Variants in NLRP1 observed in about 807,000 individuals in gnomAD.
NLRP1 encodes the protein NLR family pyrin domain containing 1, also known as NACHT, LRR and PYD domains-containing protein 1.
Under a neutral mutation model 136.7 loss-of-function variants are expected in NLRP1, and 94 were observed. The ratio of observed to expected loss-of-function variants is 0.69; its 90% CI spans 0.58 to 0.82. The LOEUF is 0.82. NLRP1 is among the 40% of genes least tolerant of loss of function. NLRP1 has a pLI of 0.00. For synonymous variants in NLRP1, 690 were observed against 725.1 expected (o/e 0.95, Z 0.78); for missense variants, 1,575 against 1,802.7 (o/e 0.87, Z 2.29).
At chr17:5,570,028 T>C (rs1337556392) in intron 3 of NLRP1, among the ~76,000 whole-genome samples, 3 of 152,038 alleles carry the variant, frequency 2.0e-5, no homozygotes, top group Admixed American at 6.6e-5. Context: ...GGGTAAACAA[T>C]GAAATTAAGG....
chr17:5,580,486 G>C (rs544417450), intron 3 of NLRP1, among the ~76,000 whole-genome samples: 28 of 152,146 alleles, frequency 1.8e-4, no homozygotes, highest in African/African-American at 6.7e-4. Context: ...TAGAATCAGG[G>C]AAAAATGTTA....
Position 5,553,547 on chromosome 17 carries a change from C to T in NLRP1, c.2367G>A (p.Trp789Ter). 6.2e-7 allele frequency: 1 copy of T among 1,613,708 alleles called. No individual in the cohort carries two copies. Among genetic ancestry groups the T allele is most frequent in the Non-Finnish European group, 8.5e-7 (1 of 1,179,726 alleles). The change falls in exon 5 of 17, where the codon TGG (tryptophan) becomes TGA (stop). Residue 789 changes from tryptophan to a stop codon, truncating the protein, a stop_gained. Transcript: ENST00000572272. LOFTEE classifies it high-confidence loss of function. ...GCCAATAGGCATCTGTGACTGGGAC[C>T]CACCTGAACCTGAGGGGGAGAGAGA... ...WSPTMVVLFR[W>*]VPVTDAYWQI...
rs1482809648 is a variant in NLRP1, at chr17:5,559,131, A to C, written c.1565T>G (p.Val522Gly). ...CAGGCAAGTGCAGGCCAGCCAGGAC[A>C]CCCAGGGCACAAGACACAGGGCCCA... ...ELWALCLVPW[V>G]SWLACTCLMQ... The change falls in exon 4 of 17, where the codon GTG (valine) becomes GGG (glycine). Residue 522 changes from valine to glycine, a missense_variant. Val to Gly is a moderately radical substitution (Grantham distance 109). Transcript: ENST00000572272. 1 of 1,614,140 alleles carries C rather than the reference A, an allele frequency of 6.2e-7. No homozygotes were observed. Among genetic ancestry groups the C allele is most frequent in the South Asian group, 1.1e-5 (1 of 91,080 alleles).
At chr17:5,522,423 A>G (rs1477089642) in intron 12 of NLRP1, among the ~76,000 whole-genome samples, 1 of 152,212 alleles carries the variant, frequency 6.6e-6, no homozygotes, top group African/African-American at 2.4e-5. Flanking sequence ...ACACAGCTAG[A>G]AGGCTCCATG....
intron 2 of NLRP1, 124 bp from the exon 3 acceptor site, chr17:5,582,186 G>T: frequency 1.2e-6 from 1 of 846,646 alleles, no homozygotes; most frequent in Non-Finnish European, 1.8e-6. Flanking sequence ...TGAAAACCAT[G>T]TTGAAGTAGA....
At chr17:5,519,211 C>A (rs1221714856) in intron 14 of NLRP1, among the ~76,000 whole-genome samples, 1 of 151,358 alleles carries the variant, frequency 6.6e-6, no homozygotes, top group African/African-American at 2.4e-5. Flanking sequence ...ACTGTGTTAG[C>A]CAGGATGGTC....
intron 14 of NLRP1, among the ~76,000 whole-genome samples, chr17:5,518,895 G>A (rs1908498216): frequency 6.7e-6 from 1 of 150,304 alleles, no homozygotes; most frequent in Admixed American, 6.6e-5. Flanking sequence ...TTGGAGTGCA[G>A]TGGCACGATC....
intron 14 of NLRP1, chr17:5,518,535 C>T (rs914656618): frequency 2.6e-5 from 4 of 151,936 alleles, no homozygotes; most frequent in African/African-American, 9.7e-5. Context: ...AGTATTGCAA[C>T]AGCCTTTTGT....
At chr17:5,548,755 CCAG>C (rs1305644000) in intron 5 of NLRP1, among the ~76,000 whole-genome samples, 1 of 152,152 alleles carries the variant, frequency 6.6e-6, no homozygotes, top group Non-Finnish European at 1.5e-5. Flanking sequence ...TCTTGACCTC[CCAG>C]CAGCAGTAGT....
chr17:5,513,674 G>C (rs1302056294), downstream of NLRP1, among the ~76,000 whole-genome samples: 1 of 152,174 alleles, frequency 6.6e-6, no homozygotes, highest in Non-Finnish European at 1.5e-5. Flanking sequence ...AGCAGTGACA[G>C]AAGATAGATC....
chr17:5,559,265 C>G lies in NLRP1; in HGVS notation c.1431G>C (p.Glu477Asp), dbSNP rs776674639. Residue 477 changes from glutamate (E) to aspartate (D), a missense_variant, in exon 4 of 17, where the codon GAG (glutamate) becomes GAC (aspartate). Physicochemically the swap from Glu to Asp is conservative, Grantham distance 45 (BLOSUM62 2). Coordinates refer to ENST00000572272, the MANE Select transcript of NLRP1 (RefSeq NM_033004.4). ...TGCTGGACTCAGAGAACCCCAGGACCTCTACCCAACGTGCCTGCTCCAAAG... is the reference window on the plus strand; with the variant it reads ...TGCTGGACTCAGAGAACCCCAGGACGTCTACCCAACGTGCCTGCTCCAAAG... ...IPSLEQARWVEVLGFSESSRK... is the reference protein window; with the variant it reads ...IPSLEQARWVDVLGFSESSRK... The G allele has an allele frequency of 1.2e-6, 2 of 1,614,146 alleles. No homozygotes were observed. Among genetic ancestry groups the G allele is most frequent in the Non-Finnish European group, 1.7e-6 (2 of 1,180,012 alleles).
intron 3 of NLRP1, among the ~76,000 whole-genome samples, chr17:5,580,252 A>C (rs1905477433): frequency 6.6e-6 from 1 of 152,054 alleles, no homozygotes; most frequent in Non-Finnish European, 1.5e-5. Context: ...AACACAACAA[A>C]AAACAAAAAA....
chr17:5,505,073 G>A (rs1028058304), intron 15 of NLRP1: 3 of 152,228 alleles, frequency 2.0e-5, no homozygotes, highest in Non-Finnish European at 4.4e-5. Flanking sequence ...TAATTTATAT[G>A]CGTGCCCTGG....
At chr17:5,548,746 CTT>C (rs1413409274) in intron 5 of NLRP1, among the ~76,000 whole-genome samples, 1 of 138,150 alleles carries the variant, frequency 7.2e-6, no homozygotes, top group Non-Finnish European at 1.6e-5. Flanking sequence ...CAGTCCTTAT[CTT>C]GACCTCCCAG....
At chr17:5,505,314 G>A (rs8066547) in intron 15 of NLRP1, 42,742 of 152,314 alleles carry the variant, frequency 0.28, 6,456 homozygotes, top group African/African-American at 0.4. Context: ...GATCATCCCC[G>A]TGCTCCACTC....
downstream of NLRP1, among the ~76,000 whole-genome samples, chr17:5,509,891 T>C (rs1366630359): frequency 6.6e-6 from 1 of 152,050 alleles, no homozygotes; most frequent in Non-Finnish European, 1.5e-5. Context: ...TCATGTAGGG[T>C]GGATTAGTCT....
rs199476206 is a variant in NLRP1, at chr17:5,583,506, C to T, written c.271+181G>A. ...CTCTGAGGTGCAGCAAGGGCCCCCC[C>T]AGCAAGCCTCCTGGCTCCAGCATAG... On this transcript the variant is annotated intron_variant, in intron 1 of 16. Transcript: ENST00000572272. This position sits in a 1 kb window ranked among gnomAD's most constrained non-coding sequence, Gnocchi z 4.5. 5.9e-5 allele frequency among the ~76,000 whole-genome samples: 9 copies of T among 152,238 alleles called. No homozygotes were observed. In the East Asian group the frequency reaches 1.7e-3, roughly 29 times the overall value.
At chr17:5,520,812 GC>G in intron 14 of NLRP1, 68 bp downstream of exon 14, 1 of 1,410,336 alleles carries the variant, frequency 7.1e-7, no homozygotes, top group Non-Finnish European at 9.5e-7. Flanking sequence ...CCTGAGACCT[GC>G]CCCACAGGCA....
chr17:5,515,435 G>A (rs1454221135), intron 16 of NLRP1, 38 bp downstream of exon 16: 1 of 1,559,652 alleles, frequency 6.4e-7, no homozygotes, highest in East Asian at 2.2e-5. Flanking sequence ...CCCCAGAACT[G>A]CCACCGCCTC....
Sources: allele counts gnomAD v4.1 joint callset (sites outside exome capture counted in the v4.1 genomes callset), GRCh38; gene constraint gnomAD v4.1.1; non-coding constraint Gnocchi (gnomAD v3.1); transcripts MANE v1.5; gene names NCBI Gene and HGNC (gene_info 2026-07-23, HGNC 2026-07-21).